GREB1: variants seen among roughly 807,000 people sequenced by gnomAD.
The protein encoded by GREB1 is growth regulating estrogen receptor binding 1.
Under a neutral mutation model 200.7 loss-of-function variants are expected in GREB1, and 106 were observed. The observed-to-expected ratio is 0.53, with a 90% confidence interval of 0.45 to 0.62. The LOEUF is 0.62. GREB1 is among the 20% of genes least tolerant of loss of function. GREB1 has a pLI of 0.00. For missense variants in GREB1, 2,243 were observed against 2,556.8 expected, an observed-to-expected ratio of 0.88 and a Z score of 2.65; for synonymous variants, 1,132 against 1,092.4, an observed-to-expected ratio of 1.04 and a Z score of -0.72.
chr2:11,511,678 G>A (rs763601541), intron 1 of GREB1, among the ~76,000 whole-genome samples: 9 of 152,144 alleles, frequency 5.9e-5, no homozygotes, highest in Admixed American at 1.3e-4. Context: ...CCAGGAACTC[G>A]CCTGCTGCTG....
At chr2:11,486,974 A>G (rs900196595) in intron 1 of GREB1, among the ~76,000 whole-genome samples, 4 of 152,160 alleles carry the variant, frequency 2.6e-5, no homozygotes, top group Non-Finnish European at 4.4e-5. Flanking sequence ...GAAATTCTAT[A>G]TGCTTCTAAA....
chr2:11,543,243 A>T (rs1674936689), intron 1 of GREB1, among the ~76,000 whole-genome samples: 1 of 152,222 alleles, frequency 6.6e-6, no homozygotes, highest in African/African-American at 2.4e-5. Flanking sequence ...AGGAAGCCAG[A>T]AGTTTAATTA....
rs1674385080 is a variant in GREB1, at chr2:11,538,121, T to C, written c.-162+3867T>C. Reference sequence around the variant, plus strand: ...AGTAAAGCCCTGGCACTAGGGATGCTTCAGAGCTGCAGATGCTCGCTCGGG... The same window carrying C: ...AGTAAAGCCCTGGCACTAGGGATGCCTCAGAGCTGCAGATGCTCGCTCGGG... On this transcript the variant is annotated intron_variant, in intron 1 of 32. Coordinates refer to ENST00000381486, the MANE Select transcript of GREB1 (RefSeq NM_014668.4). Among the ~76,000 whole-genome samples, 2 of 152,180 alleles carry C rather than the reference T, an allele frequency of 1.3e-5. 1 individual carries two copies. The highest frequency in any genetic ancestry group is 4.1e-4 in the South Asian group (2 of 4,834).
intron 1 of GREB1, among the ~76,000 whole-genome samples, chr2:11,541,561 C>T (rs1305781451): frequency 6.6e-6 from 1 of 152,164 alleles, no homozygotes; most frequent in Non-Finnish European, 1.5e-5. Flanking sequence ...CGACTCTTTC[C>T]AAAGCCCGAG....
intron 17 of GREB1, among the ~76,000 whole-genome samples, chr2:11,610,030 C>T (rs13414185): frequency 6.6e-5 from 10 of 152,122 alleles, no homozygotes; most frequent in East Asian, 3.8e-4. Flanking sequence ...GTGTGACTAA[C>T]GGGTCAGAGC....
chr2:11,600,849 G>A lies in GREB1; in HGVS notation c.2383G>A (p.Val795Met). The A allele has an allele frequency of 6.2e-7, 1 of 1,614,150 alleles. No individual in the cohort carries two copies. Among genetic ancestry groups the A allele is most frequent in the Non-Finnish European group, 8.5e-7 (1 of 1,180,008 alleles). ...TCAAAGTGACCCGTCGGTGGGATTG[G>A]TGGACCGATTGCTCAACTGCAGGGA... ...YSQSDPSVGL[V>M]DRLLNCREVK... Residue 795 changes from valine to methionine, a missense_variant, in exon 16 of 33, where the codon GTG becomes ATG. Val to Met is a conservative substitution (Grantham distance 21). This residue lies in a region of GREB1 where 1,178 missense variants were observed against 1,387.4 expected (regional missense o/e 0.85). Coordinates refer to ENST00000381486, the MANE Select transcript of GREB1 (RefSeq NM_014668.4).
chr2:11,614,336 A>C (rs1189432077), intron 19 of GREB1, among the ~76,000 whole-genome samples: 1 of 152,000 alleles, frequency 6.6e-6, no homozygotes, highest in South Asian at 2.1e-4. Context: ...CATGTTGGTT[A>C]GGCTGGTCTT....
At chr2:11,485,807 G>A (rs1445023654) in intron 1 of GREB1, among the ~76,000 whole-genome samples, 2 of 152,124 alleles carry the variant, frequency 1.3e-5, no homozygotes, top group Non-Finnish European at 2.9e-5. Context: ...TTCACTTTGG[G>A]GATTCAAAAT....
intron 1 of GREB1, among the ~76,000 whole-genome samples, chr2:11,516,745 G>T (rs1164717693): frequency 6.6e-6 from 1 of 152,184 alleles, no homozygotes; most frequent in African/African-American, 2.4e-5. Flanking sequence ...CCATCTAAGG[G>T]AAAGACCTGC....
chr2:11,518,425 C>T (rs1231567071), intron 1 of GREB1, among the ~76,000 whole-genome samples: 3 of 151,704 alleles, frequency 2.0e-5, no homozygotes, highest in African/African-American at 7.3e-5. Context: ...CATTGTATCT[C>T]AGACACTGAG....
At position 11,642,574 on chromosome 2, in the gene GREB1, A is replaced by G. The variant is rs1284429070; in HGVS notation, c.*2120A>G. ...GAAAAAAAGTCCGCGAGTATTAAATATTTAGATCAATGTTTATAAAATGAT... is the reference window on the plus strand; with the variant it reads ...GAAAAAAAGTCCGCGAGTATTAAATGTTTAGATCAATGTTTATAAAATGAT... On this transcript the variant is annotated 3_prime_UTR_variant, in exon 33 of 33. Coordinates refer to ENST00000381486, the MANE Select transcript of GREB1 (RefSeq NM_014668.4). 2 of 152,224 alleles carry G rather than the reference A, an allele frequency of 1.3e-5. No individual in the cohort carries two copies. Among genetic ancestry groups the G allele is most frequent in the South Asian group, 2.1e-4 (1 of 4,828 alleles). 9.4% of individuals were successfully genotyped at this position (152,224 alleles called of 1,614,324 possible). A position where few individuals can be genotyped will look rare whatever the true frequency, so the allele number is the denominator to read the frequency against.
intron 17 of GREB1, among the ~76,000 whole-genome samples, chr2:11,608,921 C>T (rs1313526998): frequency 2.0e-5 from 3 of 152,154 alleles, no homozygotes; most frequent in Admixed American, 2.0e-4. Flanking sequence ...TTCCCGGAAT[C>T]TGATACCTCT....
chr2:11,547,600 A>C (rs1675403701), intron 1 of GREB1, among the ~76,000 whole-genome samples: 1 of 152,232 alleles, frequency 6.6e-6, no homozygotes, highest in Non-Finnish European at 1.5e-5. Flanking sequence ...AAAAATTATA[A>C]ATATACACAC....
At chr2:11,489,784 T>G (rs1259504573) in intron 1 of GREB1, among the ~76,000 whole-genome samples, 12 of 152,132 alleles carry the variant, frequency 7.9e-5, no homozygotes, top group Non-Finnish European at 2.9e-5. Flanking sequence ...AAAAGTATTT[T>G]AGGTGAATTG....
At chr2:11,569,936 A>G (rs899516901) in intron 4 of GREB1, among the ~76,000 whole-genome samples, 27 of 152,114 alleles carry the variant, frequency 1.8e-4, no homozygotes, top group African/African-American at 4.8e-4. Context: ...TTTTCAAACT[A>G]TGGAAGTACA....
At position 11,597,988 on chromosome 2, in the gene GREB1, A is replaced by G. The variant is rs1681422377; in HGVS notation, c.2152+10A>G. 2 of 1,605,512 alleles carry G rather than the reference A, an allele frequency of 1.2e-6. No homozygotes were observed. Among genetic ancestry groups the G allele is most frequent in the Admixed American group, 1.7e-5 (1 of 59,986 alleles). On this transcript the variant is annotated intron_variant, in intron 14 of 32. Coordinates refer to ENST00000381486, the MANE Select transcript of GREB1 (RefSeq NM_014668.4). This position sits in a 1 kb window ranked among gnomAD's most constrained non-coding sequence, Gnocchi z 4.1. Reference sequence around the variant, plus strand: ...CATGTGTGGCATTCAGGTATGGGGCATTTTGGGGAGAAGTCACGTGTGGAG... The same window carrying G: ...CATGTGTGGCATTCAGGTATGGGGCGTTTTGGGGAGAAGTCACGTGTGGAG...
At chr2:11,483,731 TGTGG>T (rs1672577767) in intron 1 of GREB1, among the ~76,000 whole-genome samples, 1 of 132,502 alleles carries the variant, frequency 7.5e-6, no homozygotes, top group Non-Finnish European at 1.6e-5. Context: ...TGTGTGTGTG[TGTGG>T]CCCGGCCACC....
At chr2:11,538,143 C>G (rs770692250) in intron 1 of GREB1, among the ~76,000 whole-genome samples, 1 of 152,206 alleles carries the variant, frequency 6.6e-6, no homozygotes, top group Non-Finnish European at 1.5e-5. Context: ...GATGCTCGCT[C>G]GGGCAGAACC....
intron 1 of GREB1, among the ~76,000 whole-genome samples, chr2:11,488,651 T>C (rs960407210): frequency 6.6e-6 from 1 of 151,182 alleles, no homozygotes; most frequent in African/African-American, 2.4e-5. Flanking sequence ...ATTAGCTGAG[T>C]GTAGTGGTGG....
Sources: allele counts gnomAD v4.1 joint callset (sites outside exome capture counted in the v4.1 genomes callset), GRCh38; gene constraint gnomAD v4.1.1; regional missense constraint gnomAD v4.1.1; non-coding constraint Gnocchi (gnomAD v3.1); transcripts MANE v1.5; gene names NCBI Gene and HGNC (gene_info 2026-07-23, HGNC 2026-07-21).